The following GRAMD1A variants were observed in gnomAD, a reference collection of about 807,000 sequenced individuals.
GRAMD1A encodes the protein protein Aster-A.
GRAMD1A carries 50 observed loss-of-function variants against 92.0 expected under a neutral mutation model. The ratio of observed to expected loss-of-function variants is 0.54; its 90% CI spans 0.43 to 0.69. The LOEUF (loss-of-function observed/expected upper bound fraction) is 0.69, where lower values mean the gene tolerates loss of function less well. GRAMD1A is among the 30% of genes least tolerant of loss of function. GRAMD1A has a pLI of 0.00. For synonymous variants in GRAMD1A, 405 were observed against 403.6 expected, an observed-to-expected ratio of 1.00 and a Z score of -0.04; for missense variants, 819 against 978.9, an observed-to-expected ratio of 0.84 and a Z score of 2.18.
chr19:35,019,040 T>G, intron 11 of GRAMD1A, 151 bp from the exon 12 acceptor site: 1 of 647,646 alleles, frequency 1.5e-6, no homozygotes, highest in Non-Finnish European at 2.8e-6. Flanking sequence ...ACAGCTAAGG[T>G]TTTAGGCTCC....
intron 11 of GRAMD1A, among the ~76,000 whole-genome samples, chr19:35,018,094 T>C (rs2015770426): frequency 6.6e-6 from 1 of 152,038 alleles, no homozygotes; most frequent in African/African-American, 2.4e-5. Flanking sequence ...TTTAAGCCAT[T>C]CTCCTGCCTC....
At chr19:34,996,484 A>T (rs1484821675), upstream of GRAMD1A, among the ~76,000 whole-genome samples, 3 of 152,216 alleles carry the variant, frequency 2.0e-5, no homozygotes, top group Non-Finnish European at 4.4e-5. Flanking sequence ...ACCAGCTATG[A>T]CTGAGCTCAG....
intron 18 of GRAMD1A, 39 bp from the exon 19 acceptor site, chr19:35,023,388 G>A (rs1160071829): frequency 6.2e-7 from 1 of 1,613,190 alleles, no homozygotes; most frequent in Non-Finnish European, 8.5e-7. Context: ...GGCACATCGG[G>A]GGAGGCCAAG....
chr19:35,022,196 G>C (rs184975431), intron 16 of GRAMD1A, among the ~76,000 whole-genome samples, 158 bp downstream of exon 16: 1 of 152,290 alleles, frequency 6.6e-6, no homozygotes, highest in South Asian at 2.1e-4. Context: ...GGGATGTGCC[G>C]GTTTGTCATG....
Position 35,019,361 on chromosome 19 carries a change from G to A in GRAMD1A, c.1333-30G>A, listed in dbSNP as rs748190189. 3.1e-6 allele frequency: 5 copies of A among 1,613,454 alleles called. No homozygotes were observed. In the South Asian group the frequency reaches 5.5e-5, roughly 18 times the overall value. ...GTGGGGCAGCTGGGTGAGTGGGGTG[G>A]CCCTGACTTCTCCGGCTCTGTCCCT... is the stretch of plus-strand genomic sequence containing the variant. On this transcript the variant is annotated intron_variant, in intron 12 of 19. Coordinates refer to ENST00000317991, the MANE Select transcript of GRAMD1A (RefSeq NM_020895.5).
chr19:34,996,002 C>T (rs1326289671), upstream of GRAMD1A: 4 of 1,519,338 alleles, frequency 2.6e-6, no homozygotes, highest in South Asian at 1.2e-5. Flanking sequence ...AGAGACCACA[C>T]CGCTGTTCCA....
chr19:34,996,045 T>G (rs1478542318), upstream of GRAMD1A: 18 of 1,535,656 alleles, frequency 1.2e-5, no homozygotes, highest in Non-Finnish European at 1.6e-5. Flanking sequence ...CTGCCCCTGA[T>G]GCCTTGGGAG....
At chr19:35,018,361 A>T (rs2015793852) in intron 11 of GRAMD1A, among the ~76,000 whole-genome samples, 1 of 152,106 alleles carries the variant, frequency 6.6e-6, no homozygotes, top group Non-Finnish European at 1.5e-5. Context: ...AGTGGAGGGG[A>T]GGTGCCACAC....
rs1476346477 is a variant in GRAMD1A, at chr19:35,023,429, A to G, written c.1964A>G (p.Lys655Arg). 7.5e-6 allele frequency: 12 copies of G among 1,594,680 alleles called. No individual in the cohort carries two copies. Among genetic ancestry groups the G allele is most frequent in the Non-Finnish European group, 1.0e-5 (12 of 1,169,836 alleles). Residue 655 changes from lysine (K) to arginine (R), a missense_variant and splice_region_variant, in exon 19 of 20, where the codon AAG becomes AGG. This residue lies in a region of GRAMD1A where 577 missense variants were observed against 674.6 expected (regional missense o/e 0.86). Coordinates refer to ENST00000317991, the MANE Select transcript of GRAMD1A (RefSeq NM_020895.5). The part of the protein sequence containing the change: ...SWHSLALAKG[K>R]FPQTATEWAE... ...GCTCAGGCCTGGCATCCCCACAGCA[A>G]GTTCCCCCAGACGGCCACAGAGTGG...
In GRAMD1A at chr19:35,019,466, C is replaced by T. The variant is rs1317831688; in HGVS notation, c.1408C>T (p.Gln470Ter). 6 of 1,613,964 alleles carry T rather than the reference C, an allele frequency of 3.7e-6. No individual in the cohort carries two copies. The Admixed American group carries it at 8.3e-5, about 22-fold the overall frequency. ...SEVLTQGIPY[Q>*]DYFYTAHRYC... ...GGTGCTGACGCAGGGCATCCCCTAC[C>T]AGGACTACTTCTACACTGCCCACCG... The change falls in exon 13 of 20, where the codon CAG becomes TAG. Residue 470 changes from glutamine to a stop codon, truncating the protein, a stop_gained. Coordinates refer to ENST00000317991, the MANE Select transcript of GRAMD1A (RefSeq NM_020895.5). LOFTEE classifies it high-confidence loss of function.
chr19:35,021,632 TG>T lies in GRAMD1A; in HGVS notation c.1579+30del. On this transcript the variant is annotated intron_variant, in intron 14 of 19. Transcript: ENST00000317991. This position sits in a 1 kb window ranked among gnomAD's most constrained non-coding sequence, Gnocchi z 5.3. Reference sequence around the variant, plus strand: ...TAGGGACAGAAGGCCGGCTGGGGCGTGGGTTGGGGGATGGCCTGGCCAGGTA... The same window carrying T: ...TAGGGACAGAAGGCCGGCTGGGGCGTGGTTGGGGGATGGCCTGGCCAGGTA... The T allele has an allele frequency of 6.2e-7, 1 of 1,612,626 alleles. No homozygotes were observed. Among genetic ancestry groups the T allele is most frequent in the South Asian group, 1.1e-5 (1 of 91,044 alleles).
chr19:34,996,472 C>T (rs918899682), upstream of GRAMD1A, among the ~76,000 whole-genome samples: 3 of 152,190 alleles, frequency 2.0e-5, no homozygotes, highest in Admixed American at 6.5e-5. Flanking sequence ...TGCGTTGGGA[C>T]AACCAGCTAT....
At chr19:35,012,212 C>G (rs2015292971) in intron 7 of GRAMD1A, among the ~76,000 whole-genome samples, 1 of 152,232 alleles carries the variant, frequency 6.6e-6, no homozygotes, top group Admixed American at 6.5e-5. Context: ...GCCACCCCCT[C>G]TGCCCCCCGG....
In GRAMD1A at chr19:35,013,935, T is replaced by C. The variant is rs1343759875; in HGVS notation, c.870+244T>C. On this transcript the variant is annotated intron_variant, in intron 9 of 19. Coordinates refer to ENST00000317991, the MANE Select transcript of GRAMD1A (RefSeq NM_020895.5). The surrounding 1 kb of genome is among the most constrained non-coding windows in gnomAD (Gnocchi z 4.9). ...AAGGGATGGGAGATGGGTGGATAGATGAAGCAGCAGACAGACAGACGGACA... is the reference window on the plus strand; with the variant it reads ...AAGGGATGGGAGATGGGTGGATAGACGAAGCAGCAGACAGACAGACGGACA... 6.6e-6 allele frequency among the ~76,000 whole-genome samples: 1 copy of C among 151,958 alleles called. No individual in the cohort carries two copies. Among genetic ancestry groups the C allele is most frequent in the Non-Finnish European group, 1.5e-5 (1 of 67,956 alleles).
At chr19:35,024,408 A>G (rs1025928591) in intron 19 of GRAMD1A, among the ~76,000 whole-genome samples, 3 of 148,622 alleles carry the variant, frequency 2.0e-5, no homozygotes, top group African/African-American at 7.9e-5. Context: ...TCAGGCCAGC[A>G]GTTGCGGTGG....
chr19:35,009,400 G>T, intron 2 of GRAMD1A, 23 bp from the exon 3 acceptor site: 1 of 1,614,116 alleles, frequency 6.2e-7, no homozygotes, highest in South Asian at 1.1e-5. Flanking sequence ...GGCTCATCCT[G>T]ACTCCTCTCC....
intron 19 of GRAMD1A, chr19:35,024,898 C>T (rs770080999): frequency 1.3e-5 from 2 of 152,212 alleles, no homozygotes; most frequent in Non-Finnish European, 2.9e-5. Flanking sequence ...AGTGATCCTC[C>T]TGCCTCAGCA....
At chr19:35,017,754 C>A (rs190028078) in intron 11 of GRAMD1A, among the ~76,000 whole-genome samples, 311 of 152,254 alleles carry the variant, frequency 2.0e-3, no homozygotes, top group Non-Finnish European at 1.5e-3. Context: ...CTCCTGGCAG[C>A]CTTCCCTTAC....
chr19:35,007,624 G>A (rs535480241), intron 1 of GRAMD1A, among the ~76,000 whole-genome samples: 1 of 152,248 alleles, frequency 6.6e-6, no homozygotes, highest in African/African-American at 2.4e-5. Flanking sequence ...CAGCACTTTG[G>A]TAGTGCCCAA....
Sources: gnomAD v4.1 joint callset for allele counts (sites outside exome capture counted in the v4.1 genomes callset) on GRCh38, gnomAD v4.1.1 for gene constraint, gnomAD v4.1.1 regional missense constraint, Gnocchi (gnomAD v3.1) non-coding constraint, MANE v1.5 for transcripts, NCBI Gene and HGNC (gene_info 2026-07-23, HGNC 2026-07-21) for gene names.